ADAM10: variants seen among roughly 807,000 people sequenced by gnomAD.
ADAM10 encodes the protein ADAM metallopeptidase domain 10.
ADAM10 carries 17 observed loss-of-function variants against 90.1 expected under a neutral mutation model. The ratio of observed to expected loss-of-function variants is 0.19; its 90% confidence interval spans 0.13 to 0.28. The LOEUF (loss-of-function observed/expected upper bound fraction) is 0.28. ADAM10 is among the 10% of genes least tolerant of loss of function. The probability of loss-of-function intolerance (pLI) is 1.00; values close to 1 mark genes in which losing one functional copy is unlikely to be tolerated. For synonymous variants in ADAM10, 310 were observed against 298.6 expected, an observed-to-expected ratio of 1.04 and a Z score of -0.40; for missense variants, 610 against 914.3, an observed-to-expected ratio of 0.67 and a Z score of 4.29.
Position 58,633,233 on chromosome 15 carries a change from G to A in ADAM10, c.1139C>T (p.Thr380Ile). 1.2e-6 allele frequency: 2 copies of A among 1,613,618 alleles called. No individual in the cohort carries two copies. Among genetic ancestry groups the A allele is most frequent in the Non-Finnish European group, 1.7e-6 (2 of 1,179,626 alleles). Residue 380 changes from threonine to isoleucine, a missense_variant, in exon 9 of 16, where the codon ACT becomes ATT. Thr to Ile is a moderately conservative substitution (Grantham distance 89). Transcript: ENST00000260408. ...GTTATGTCCAACTTCGTGAGCAAAA[G>A]TAATGTGAGAGACTTTGGGAGGTAC... Reference protein sequence around the residue: ...SHVPPKVSHITFAHEVGHNFG... With the variant: ...SHVPPKVSHIIFAHEVGHNFG...
rs1373845456 is a variant in ADAM10 at position 58,594,503 on chromosome 15, G to A, written c.*3044C>T. 1.3e-5 allele frequency: 2 copies of A among 152,142 alleles called. No homozygotes were observed. Among genetic ancestry groups the A allele is most frequent in the African/African-American group, 4.8e-5 (2 of 41,428 alleles). 9.4% of individuals were successfully genotyped at this position (152,142 alleles called of 1,614,324 possible). On this transcript the variant is annotated 3_prime_UTR_variant, in exon 16 of 16. Transcript: ENST00000260408. ...CGAAGTACCCAAAGCATAAAGTGTT[G>A]AAGACACCTCACAAAACAAGACTGA...
chr15:58,642,666 C>T (rs1225635123), intron 7 of ADAM10, among the ~76,000 whole-genome samples: 1 of 152,128 alleles, frequency 6.6e-6, no homozygotes, highest in Non-Finnish European at 1.5e-5. Context: ...CTTCATAATA[C>T]ATATCATTTT....
rs1390782541 is a variant in ADAM10 at position 58,597,120 on chromosome 15, G to A, written c.*427C>T. ...TATAACAAGGTATGTACATTGGCAAGTGATGTCTCCAATGTTGAGGTGGTC... is the reference window on the plus strand; with the variant it reads ...TATAACAAGGTATGTACATTGGCAAATGATGTCTCCAATGTTGAGGTGGTC... On this transcript the variant is annotated 3_prime_UTR_variant, in exon 16 of 16. Coordinates refer to ENST00000260408, the MANE Select transcript of ADAM10 (RefSeq NM_001110.4). 5.0e-6 allele frequency: 2 copies of A among 396,940 alleles called. No homozygotes were observed. Among genetic ancestry groups the A allele is most frequent in the East Asian group, 5.4e-5 (1 of 18,426 alleles). 24.6% of individuals were successfully genotyped at this position (396,940 alleles called of 1,614,324 possible).
chr15:58,705,082 T>G (rs1898240643), intron 2 of ADAM10, among the ~76,000 whole-genome samples: 1 of 152,212 alleles, frequency 6.6e-6, no homozygotes, highest in South Asian at 2.1e-4. Flanking sequence ...TGCTTTACAA[T>G]ATTACCACAA....
At chr15:58,626,802 A>C (rs1895960349) in intron 10 of ADAM10, among the ~76,000 whole-genome samples, 1 of 152,178 alleles carries the variant, frequency 6.6e-6, no homozygotes, top group South Asian at 2.1e-4. Context: ...CCAGGGGCTG[A>C]GGGGAAGACA....
chr15:58,730,785 G>A (rs368650806), intron 1 of ADAM10, among the ~76,000 whole-genome samples: 19 of 152,138 alleles, frequency 1.2e-4, no homozygotes, highest in African/African-American at 4.6e-4. Context: ...CTGTGGGCAG[G>A]CACCATCCAA....
At chr15:58,704,377 G>A (rs767828299) in intron 2 of ADAM10, among the ~76,000 whole-genome samples, 16 of 152,142 alleles carry the variant, frequency 1.1e-4, no homozygotes, top group Middle Eastern at 3.4e-3. Context: ...ATATGGTGAC[G>A]GTTGCACAAC....
intron 3 of ADAM10, among the ~76,000 whole-genome samples, chr15:58,679,508 C>T (rs1258933099): frequency 6.6e-6 from 1 of 152,088 alleles, no homozygotes; most frequent in Non-Finnish European, 1.5e-5. Flanking sequence ...AAAATATATA[C>T]AATTACTAAT....
At chr15:58,599,248 A>G (rs1176033492) in intron 15 of ADAM10, among the ~76,000 whole-genome samples, 1 of 152,136 alleles carries the variant, frequency 6.6e-6, no homozygotes, top group Non-Finnish European at 1.5e-5. Context: ...CACAACTATT[A>G]GAATAGAAAG....
rs1304404529 is a variant in ADAM10 at position 58,749,465 on chromosome 15, G to A, written c.55+15C>T. On this transcript the variant is annotated intron_variant, in intron 1 of 15. Transcript: ENST00000260408. ...CGTGGTCGCGGCGCCCCCGGCGCTCGCAGTCGTGCCTCACCTCCCATCCCC... is the reference window on the plus strand; with the variant it reads ...CGTGGTCGCGGCGCCCCCGGCGCTCACAGTCGTGCCTCACCTCCCATCCCC... The A allele has an allele frequency of 2.0e-6, 3 of 1,529,478 alleles. No individual in the cohort carries two copies. The highest frequency in any genetic ancestry group is 1.2e-5 in the South Asian group (1 of 81,924). 94.7% of individuals were successfully genotyped at this position (1,529,478 alleles called of 1,614,324 possible).
chr15:58,725,650 G>C (rs996239621), intron 1 of ADAM10, among the ~76,000 whole-genome samples: 9 of 151,920 alleles, frequency 5.9e-5, no homozygotes, highest in African/African-American at 2.2e-4. Flanking sequence ...AATCATCTGT[G>C]GGTAGGGAAG....
chr15:58,692,621 C>G (rs1264709755), intron 2 of ADAM10: 1 of 559,200 alleles, frequency 1.8e-6, no homozygotes, highest in South Asian at 1.4e-5. Context: ...CACCTCTCTT[C>G]TAAGTACTCT....
intron 2 of ADAM10, among the ~76,000 whole-genome samples, chr15:58,711,268 G>T (rs1379839794): frequency 6.6e-6 from 1 of 152,052 alleles, no homozygotes; most frequent in Non-Finnish European, 1.5e-5. Context: ...CTGATGTATG[G>T]ACTGAGGTAC....
intron 2 of ADAM10, among the ~76,000 whole-genome samples, chr15:58,694,134 G>A (rs76060675): frequency 0.054 from 8,185 of 152,230 alleles, 740 homozygotes; most frequent in African/African-American, 0.18. Flanking sequence ...AAACTGTTTA[G>A]CACTTTCTTA....
intron 1 of ADAM10, chr15:58,748,598 C>T (rs1414133442): frequency 8.4e-6 from 2 of 238,940 alleles, no homozygotes; most frequent in Admixed American, 1.1e-4. Flanking sequence ...TTTTGACAAT[C>T]CACTAACTAC....
chr15:58,619,835 C>T (rs1452958964), intron 11 of ADAM10, among the ~76,000 whole-genome samples: 1 of 151,618 alleles, frequency 6.6e-6, no homozygotes, highest in Non-Finnish European at 1.5e-5. Flanking sequence ...ACCCGGGAGG[C>T]GGAGCTTGTA....
intron 2 of ADAM10, among the ~76,000 whole-genome samples, chr15:58,684,785 A>AGGTGGTCCGAAGTT (rs1897541215): frequency 6.6e-6 from 1 of 152,242 alleles, no homozygotes; most frequent in Non-Finnish European, 1.5e-5. Context: ...GGTCCGAAGT[A>AGGTGGTCCGAAGTT]CAGGTGGCGC....
chr15:58,668,806 A>G (rs1359471579), intron 4 of ADAM10, among the ~76,000 whole-genome samples: 1 of 152,076 alleles, frequency 6.6e-6, no homozygotes, highest in Non-Finnish European at 1.5e-5. Context: ...GTTGAATTTA[A>G]TTTTTCAGCC....
intron 2 of ADAM10, among the ~76,000 whole-genome samples, chr15:58,689,887 G>A (rs1298634168): frequency 1.3e-5 from 2 of 150,042 alleles, no homozygotes; most frequent in Non-Finnish European, 1.5e-5. Flanking sequence ...GAAAACAGGA[G>A]GGAAGAGTAC....
Sources: gnomAD v4.1 joint callset for allele counts (sites outside exome capture counted in the v4.1 genomes callset) on GRCh38, gnomAD v4.1.1 for gene constraint, MANE v1.5 for transcripts, NCBI Gene and HGNC (gene_info 2026-07-23, HGNC 2026-07-21) for gene names.